Variants in SIDT1 observed in about 807,000 individuals in gnomAD.
SIDT1 encodes the protein SID1 transmembrane family, member 1.
Under a neutral mutation model 107.5 loss-of-function variants are expected in SIDT1, and 101 were observed. The observed-to-expected ratio is 0.94, with a 90% CI of 0.80 to 1.11. SIDT1 has a LOEUF of 1.11. Among genes scored for constraint, SIDT1 ranks in the 50% least tolerant of loss-of-function variants. The pLI is 0.00. For missense variants in SIDT1, 1,076 were observed against 1,058.2 expected, an observed-to-expected ratio of 1.02 and a Z score of -0.23; for synonymous variants, 395 against 398.2, an observed-to-expected ratio of 0.99 and a Z score of 0.10.
intron 22 of SIDT1, 24 bp downstream of exon 22, chr3:113,623,556 C>T (rs1162998339): frequency 6.2e-7 from 1 of 1,604,934 alleles, no homozygotes; most frequent in Non-Finnish European, 8.5e-7. Context: ...CCGGGAGCGG[C>T]TACCTCGGGC....
intron 10 of SIDT1, among the ~76,000 whole-genome samples, chr3:113,598,142 G>A (rs1330544360): frequency 6.6e-6 from 1 of 152,188 alleles, no homozygotes; most frequent in East Asian, 1.9e-4. Context: ...CAGAACCCAT[G>A]ATGTTGCAGC....
At chr3:113,565,922 G>A (rs566062260) in intron 1 of SIDT1, among the ~76,000 whole-genome samples, 2 of 152,324 alleles carry the variant, frequency 1.3e-5, no homozygotes, top group South Asian at 4.1e-4. Flanking sequence ...GTTTTTGAGG[G>A]AGGGTGGCTT....
intron 1 of SIDT1, among the ~76,000 whole-genome samples, chr3:113,559,799 C>T (rs200330497): frequency 2.6e-5 from 4 of 151,964 alleles, no homozygotes; most frequent in African/African-American, 9.7e-5. Flanking sequence ...TGGTTTTTTT[C>T]TTATGCGTTT....
downstream of SIDT1, among the ~76,000 whole-genome samples, chr3:113,633,720 T>C (rs1947107130): frequency 1.3e-5 from 2 of 152,206 alleles, no homozygotes; most frequent in Admixed American, 1.3e-4. Context: ...ATGACACAGA[T>C]GATGCGTGGA....
At chr3:113,559,429 T>G (rs1481014423) in intron 1 of SIDT1, among the ~76,000 whole-genome samples, 1 of 139,148 alleles carries the variant, frequency 7.2e-6, no homozygotes. Flanking sequence ...GTCATTCTTT[T>G]TATTTATTTT....
At chr3:113,578,958 G>A (rs948793690) in intron 4 of SIDT1, among the ~76,000 whole-genome samples, 1 of 152,150 alleles carries the variant, frequency 6.6e-6, no homozygotes, top group African/African-American at 2.4e-5. Flanking sequence ...TCTACGAAAG[G>A]TTTACTTTAC....
chr3:113,567,630 A>G lies in SIDT1; in HGVS notation c.435A>G (p.Ile145Met). Residue 145 changes from isoleucine to methionine, a missense_variant, in exon 3 of 25, where the codon ATA (isoleucine) becomes ATG (methionine). Ile to Met is a conservative substitution (Grantham distance 10). Coordinates refer to ENST00000264852, the MANE Select transcript of SIDT1 (RefSeq NM_017699.3). ...AGACGGGACCCTTGCAGCAACTGAT[A>G]TTTGTAGATGTCGCATCCATGGCAC... ...TNETGPLQQL[I>M]FVDVASMAPL... 1.2e-6 allele frequency: 2 copies of G among 1,614,146 alleles called. No homozygotes were observed. The highest frequency in any genetic ancestry group is 2.2e-5 in the South Asian group (2 of 91,080).
At chr3:113,611,984 C>A in intron 18 of SIDT1, 102 bp from the exon 19 acceptor site, 1 of 777,184 alleles carries the variant, frequency 1.3e-6, no homozygotes, top group Admixed American at 2.1e-5. Flanking sequence ...AGAATGTGCA[C>A]ACAGCTGTTT....
intron 2 of SIDT1, 103 bp downstream of exon 2, chr3:113,566,644 G>C (rs1941944082): frequency 7.6e-7 from 1 of 1,316,226 alleles, no homozygotes; most frequent in Non-Finnish European, 1.1e-6. Flanking sequence ...TCAGACATTT[G>C]GAATGTCAAG....
intron 1 of SIDT1, among the ~76,000 whole-genome samples, chr3:113,553,770 G>A (rs1022238326): frequency 2.0e-5 from 3 of 152,204 alleles, no homozygotes; most frequent in African/African-American, 7.2e-5. Context: ...ATGAAGCCAG[G>A]CGTGGTGGCT....
chr3:113,538,171 C>T (rs916971356), intron 1 of SIDT1, among the ~76,000 whole-genome samples: 4 of 152,174 alleles, frequency 2.6e-5, no homozygotes, highest in African/African-American at 7.2e-5. Context: ...CAAATCCATC[C>T]TATTGGGGAT....
chr3:113,566,224 G>C (rs925973535), intron 1 of SIDT1, among the ~76,000 whole-genome samples, 196 bp from the exon 2 acceptor site: 14 of 152,296 alleles, frequency 9.2e-5, no homozygotes, highest in African/African-American at 3.4e-4. Flanking sequence ...GTTACAATAT[G>C]AATGAGGAGA....
intron 2 of SIDT1, among the ~76,000 whole-genome samples, 167 bp downstream of exon 2, chr3:113,566,708 C>T (rs1180761257): frequency 1.3e-5 from 2 of 152,146 alleles, no homozygotes; most frequent in Admixed American, 6.5e-5. Context: ...CTGACCTGTT[C>T]GCTCTGTTCA....
chr3:113,541,133 T>C lies in SIDT1; in HGVS notation c.222+7890T>C, dbSNP rs202135195. On this transcript the variant is annotated intron_variant, in intron 1 of 24. Coordinates refer to ENST00000264852, the MANE Select transcript of SIDT1 (RefSeq NM_017699.3). ...TCTAATATATATATATATATATATA[T>C]ACACACACATACACACACACACACA... Among the ~76,000 whole-genome samples, 896 of 97,246 alleles carry C rather than the reference T, an allele frequency of 9.2e-3. 10 individuals carry two copies. Among genetic ancestry groups the C allele is most frequent in the African/African-American group, 0.038 (772 of 20,216 alleles). 63.8% of individuals were successfully genotyped at this position (97,246 alleles called of 152,430 possible). A position where few individuals can be genotyped will look rare whatever the true frequency, so the allele number is the denominator to read the frequency against.
chr3:113,631,603 T>A (rs1577015390), downstream of SIDT1, among the ~76,000 whole-genome samples: 1 of 152,298 alleles, frequency 6.6e-6, no homozygotes, highest in East Asian at 1.9e-4. Context: ...TTAACAAGGT[T>A]AAGAGCATGT....
chr3:113,548,106 T>C (rs1302199065), intron 1 of SIDT1, among the ~76,000 whole-genome samples: 1 of 152,108 alleles, frequency 6.6e-6, no homozygotes, highest in Non-Finnish European at 1.5e-5. Flanking sequence ...CCCAGGATTC[T>C]AAAGTATTTT....
chr3:113,539,909 C>A (rs1283495643), intron 1 of SIDT1, among the ~76,000 whole-genome samples: 2 of 151,210 alleles, frequency 1.3e-5, no homozygotes, highest in Non-Finnish European at 2.9e-5. Flanking sequence ...GAGGCTGAGG[C>A]AGGAGACTCA....
intron 11 of SIDT1, among the ~76,000 whole-genome samples, chr3:113,602,230 C>A (rs1945007728): frequency 6.6e-6 from 1 of 152,160 alleles, no homozygotes; most frequent in African/African-American, 2.4e-5. Flanking sequence ...CATTGAGCTG[C>A]CTGCCCTTCC....
At chr3:113,635,255 G>A in the SIDT1 span, among the ~76,000 whole-genome samples, 5 of 152,282 alleles carry the variant, frequency 3.3e-5, no homozygotes, top group East Asian at 1.9e-4. Flanking sequence ...CAGCATTTGC[G>A]GAGGCCAAGG....
Sources: gnomAD v4.1 joint callset for allele counts (sites outside exome capture counted in the v4.1 genomes callset) on GRCh38, gnomAD v4.1.1 for gene constraint, MANE v1.5 for transcripts, NCBI Gene and HGNC (gene_info 2026-07-23, HGNC 2026-07-21) for gene names.